RBFOX2: variants seen among roughly 807,000 people sequenced by gnomAD.
RBFOX2 encodes RNA binding protein fox-1 homolog 2.
A neutral mutation model predicts 49.1 loss-of-function variants in RBFOX2; 10 were observed. The ratio of observed to expected loss-of-function variants is 0.20; its 90% CI spans 0.13 to 0.35. The LOEUF (loss-of-function observed/expected upper bound fraction) is 0.35. RBFOX2 is among the 10% of genes least tolerant of loss of function. The probability of loss-of-function intolerance (pLI) is 1.00; values close to 1 mark genes in which losing one functional copy is unlikely to be tolerated. For missense variants in RBFOX2, 323 were observed against 486.9 expected, an observed-to-expected ratio of 0.66 and a Z score of 3.17; for synonymous variants, 183 against 187.4, an observed-to-expected ratio of 0.98 and a Z score of 0.19.
upstream of RBFOX2, among the ~76,000 whole-genome samples, chr22:35,966,281 G>C (rs151007502): frequency 1.5e-3 from 227 of 152,278 alleles, no homozygotes; most frequent in Non-Finnish European, 2.7e-3. Context: ...TTTCCAGCTT[G>C]AGGCTATTCC....
At chr22:35,943,565 G>A (rs547606017), upstream of RBFOX2, among the ~76,000 whole-genome samples, 1 of 152,254 alleles carries the variant, frequency 6.6e-6, no homozygotes, top group Non-Finnish European at 1.5e-5. Context: ...GTGGACATGT[G>A]ACAATGCAAC....
At chr22:35,982,033 T>A (rs1202831058) in intron 1 of RBFOX2, among the ~76,000 whole-genome samples, 1 of 152,188 alleles carries the variant, frequency 6.6e-6, no homozygotes, top group Non-Finnish European at 1.5e-5. Context: ...CATCTGTACT[T>A]ACAGCCAATC....
At chr22:35,902,285 A>G (rs1292566554) in intron 1 of RBFOX2, among the ~76,000 whole-genome samples, 1 of 151,952 alleles carries the variant, frequency 6.6e-6, no homozygotes, top group Non-Finnish European at 1.5e-5. Flanking sequence ...TCTTTGTCCA[A>G]TTTTGATGCC....
chr22:36,019,096 G>GACATTTTT (rs756587519), intron 1 of RBFOX2, among the ~76,000 whole-genome samples: 13 of 152,090 alleles, frequency 8.5e-5, no homozygotes, highest in Non-Finnish European at 1.8e-4. Flanking sequence ...TTTGAAACAC[G>GACATTTTT]ACATTTTTAC....
At chr22:35,779,041 A>G (rs1294258524) in intron 3 of RBFOX2, among the ~76,000 whole-genome samples, 1 of 152,254 alleles carries the variant, frequency 6.6e-6, no homozygotes, top group Non-Finnish European at 1.5e-5. Context: ...AATATTTTAA[A>G]TAACCACTCT....
At chr22:35,803,687 A>G (rs1426375308) in intron 2 of RBFOX2, among the ~76,000 whole-genome samples, 1 of 152,146 alleles carries the variant, frequency 6.6e-6, no homozygotes, top group African/African-American at 2.4e-5. Context: ...AAAAAATAAT[A>G]ATAAAAATTA....
chr22:36,020,720 G>A (rs1477984096), intron 1 of RBFOX2, among the ~76,000 whole-genome samples: 2 of 152,156 alleles, frequency 1.3e-5, no homozygotes, highest in Non-Finnish European at 2.9e-5. Flanking sequence ...CAGTTAGAAT[G>A]GCGATCATTA....
chr22:35,888,523 G>C (rs1245164973), intron 1 of RBFOX2, among the ~76,000 whole-genome samples: 2 of 152,164 alleles, frequency 1.3e-5, no homozygotes, highest in Non-Finnish European at 2.9e-5. Flanking sequence ...CTGTGTAATT[G>C]ATAAAGAAAA....
intron 1 of RBFOX2, among the ~76,000 whole-genome samples, chr22:35,976,950 C>T (rs1225318778): frequency 1.6e-4 from 23 of 145,764 alleles, no homozygotes; most frequent in Non-Finnish European, 3.0e-4. Flanking sequence ...GGCGACAGAC[C>T]GAGACTCCGT....
chr22:35,969,936 G>T (rs1264822187), intron 1 of RBFOX2, among the ~76,000 whole-genome samples: 1 of 152,166 alleles, frequency 6.6e-6, no homozygotes, highest in East Asian at 1.9e-4. Context: ...CCCGCAAATG[G>T]ACTTGAGGCC....
rs1266392237 is a variant in RBFOX2, at chr22:35,759,200, TTCC to T, written c.887+685_887+687del. Among the ~76,000 whole-genome samples the T allele has an allele frequency of 3.9e-5, 6 of 152,166 alleles. No homozygotes were observed. Among genetic ancestry groups the T allele is most frequent in the Admixed American group, 6.5e-5 (1 of 15,282 alleles). Reference sequence around the variant, plus strand: ...GGATTTATTTGTTGCTATGGAATCATTCCACTGCATGAGACACCCTCCATAAAA... The same window carrying T: ...GGATTTATTTGTTGCTATGGAATCATACTGCATGAGACACCCTCCATAAAA... On this transcript the variant is annotated intron_variant, in intron 9 of 11. Transcript: ENST00000405409. The surrounding 1 kb of genome is among the most constrained non-coding windows in gnomAD (Gnocchi z 4.6).
intron 9 of RBFOX2, among the ~76,000 whole-genome samples, chr22:35,754,589 T>C (rs1230802462): frequency 6.6e-6 from 1 of 152,176 alleles, no homozygotes; most frequent in Non-Finnish European, 1.5e-5. Flanking sequence ...CTAATGTATA[T>C]GGGAGAATGT....
chr22:35,875,475 G>C (rs1208946525), intron 1 of RBFOX2, among the ~76,000 whole-genome samples: 19 of 152,088 alleles, frequency 1.2e-4, no homozygotes, highest in Admixed American at 1.2e-3. Flanking sequence ...GGTACCTACA[G>C]GTAGTAGAAA....
At chr22:35,922,037 C>T (rs1462021059) in intron 1 of RBFOX2, among the ~76,000 whole-genome samples, 1 of 152,170 alleles carries the variant, frequency 6.6e-6, no homozygotes, top group Non-Finnish European at 1.5e-5. Context: ...CATATGTAGG[C>T]AAGACAGACC....
intron 1 of RBFOX2, among the ~76,000 whole-genome samples, chr22:35,910,776 AGAAG>A (rs1160229032): frequency 6.6e-6 from 1 of 152,234 alleles, no homozygotes; most frequent in Non-Finnish European, 1.5e-5. Flanking sequence ...TTATTTTCTG[AGAAG>A]GTAATCTATT....
At chr22:35,847,732 C>T (rs1005226616) in intron 1 of RBFOX2, among the ~76,000 whole-genome samples, 1 of 152,006 alleles carries the variant, frequency 6.6e-6, no homozygotes, top group Non-Finnish European at 1.5e-5. Flanking sequence ...CCCATTACCT[C>T]CATTTCTAAA....
chr22:35,853,341 T>C (rs779004019), intron 1 of RBFOX2, among the ~76,000 whole-genome samples: 2 of 151,420 alleles, frequency 1.3e-5, no homozygotes, highest in South Asian at 4.2e-4. Flanking sequence ...TGTTTAATAA[T>C]GTGTTATAGT....
chr22:35,809,422 T>G (rs189106479), intron 2 of RBFOX2, among the ~76,000 whole-genome samples: 2 of 152,040 alleles, frequency 1.3e-5, no homozygotes, highest in Non-Finnish European at 2.9e-5. Flanking sequence ...AGAATATTCC[T>G]AGGTTTTGCT....
chr22:35,898,582 C>A (rs768956960), intron 1 of RBFOX2, among the ~76,000 whole-genome samples: 2 of 151,742 alleles, frequency 1.3e-5, no homozygotes, highest in East Asian at 2.0e-4. Context: ...CACGCCACCA[C>A]GCCTGGCTAA....
Sources: allele counts gnomAD v4.1 joint callset (sites outside exome capture counted in the v4.1 genomes callset), GRCh38; gene constraint gnomAD v4.1.1; non-coding constraint Gnocchi (gnomAD v3.1); transcripts MANE v1.5; gene names NCBI Gene and HGNC (gene_info 2026-07-23, HGNC 2026-07-21).